The following PRRC2B variants were observed in gnomAD, a reference collection of about 807,000 sequenced individuals.
PRRC2B encodes the protein protein PRRC2B.
A neutral mutation model predicts 242.3 loss-of-function variants in PRRC2B; 68 were observed. That is an observed-to-expected ratio of 0.28 (90% CI 0.23 to 0.34). PRRC2B has a LOEUF of 0.34. Among genes scored for constraint, PRRC2B ranks in the 10% least tolerant of loss-of-function variants. The probability of loss-of-function intolerance (pLI) is 1.00; values close to 1 mark genes in which losing one functional copy is unlikely to be tolerated. For synonymous variants in PRRC2B, 1,228 were observed against 1,173.6 expected (o/e 1.05, Z -0.95); for missense variants, 2,835 against 2,954.8 (o/e 0.96, Z 0.94).
At chr9:131,483,299 CTG>C (rs1251897227) in intron 22 of PRRC2B, 58 bp from the exon 23 acceptor site, 66 of 1,485,580 alleles carry the variant, frequency 4.4e-5, no homozygotes, top group East Asian at 6.8e-5. Flanking sequence ...ATGTATGCCT[CTG>C]GGGAATGTAG....
chr9:131,468,603 G>A (rs1943458127), intron 13 of PRRC2B, among the ~76,000 whole-genome samples: 1 of 152,068 alleles, frequency 6.6e-6, no homozygotes, highest in African/African-American at 2.4e-5. Context: ...ATAAGTAAGG[G>A]AACACAGTAG....
intron 1 of PRRC2B, among the ~76,000 whole-genome samples, chr9:131,415,182 C>CG (rs913214319): frequency 2.0e-5 from 3 of 149,928 alleles, no homozygotes; most frequent in African/African-American, 4.9e-5. Context: ...TTAGTAGAGA[C>CG]GGGGGTTTTA....
intron 1 of PRRC2B, among the ~76,000 whole-genome samples, chr9:131,411,585 C>T (rs1159394308): frequency 2.0e-5 from 3 of 151,988 alleles, no homozygotes; most frequent in Non-Finnish European, 2.9e-5. Flanking sequence ...CCTCGTGATC[C>T]GCCCGCCTCG....
chr9:131,410,006 T>G lies in PRRC2B; in HGVS notation c.-52+15743T>G, dbSNP rs573059327. ...AAAGAAGCCCATGTATTTCATGTATTTCTTTTATTTGCCAGGTCCTTGTTA... is the reference window on the plus strand; with the variant it reads ...AAAGAAGCCCATGTATTTCATGTATGTCTTTTATTTGCCAGGTCCTTGTTA... On this transcript the variant is annotated intron_variant, in intron 1 of 31. Coordinates refer to ENST00000683519, the MANE Select transcript of PRRC2B (RefSeq NM_013318.4). 1.3e-4 allele frequency among the ~76,000 whole-genome samples: 20 copies of G among 152,330 alleles called. No individual in the cohort carries two copies. In the South Asian group the frequency reaches 4.1e-3, roughly 32 times the overall value.
chr9:131,457,355 T>TC (rs1217083298), intron 10 of PRRC2B, among the ~76,000 whole-genome samples: 1 of 152,182 alleles, frequency 6.6e-6, no homozygotes, highest in Admixed American at 6.5e-5. Flanking sequence ...GTGTTCCTTG[T>TC]CTCTTTGAGG....
chr9:131,404,216 CTTTTTTT>C (rs34149279), intron 1 of PRRC2B, among the ~76,000 whole-genome samples: 14 of 127,052 alleles, frequency 1.1e-4, no homozygotes, highest in African/African-American at 3.2e-4. Context: ...TCCCAGTTGA[CTTTTTTT>C]TTTTTTTTTT....
rs1459795228 is a variant in PRRC2B at position 131,499,262 on chromosome 9, C to T, written c.*3388C>T. 1 of 152,214 alleles carries T rather than the reference C, an allele frequency of 6.6e-6. No homozygotes were observed. The highest frequency in any genetic ancestry group is 1.5e-5 in the Non-Finnish European group (1 of 68,044). The allele number at this position is 152,214 out of a possible 1,614,324, so 9.4% of individuals were successfully genotyped here. ...AAGCTGAGCACACACAGGTGCACAGCCATGCTGTGGTCTGGCCTGCTACGG... is the reference window on the plus strand; with the variant it reads ...AAGCTGAGCACACACAGGTGCACAGTCATGCTGTGGTCTGGCCTGCTACGG... On this transcript the variant is annotated 3_prime_UTR_variant, in exon 32 of 32. Transcript: ENST00000683519.
At position 131,495,985 on chromosome 9, in the gene PRRC2B, C is replaced by A; in HGVS notation, c.*111C>A. ...CAGATCCACCGTCCAAATGCGTGGC[C>A]CAGACTGAGAGACCTCCCTCCTCTC... On this transcript the variant is annotated 3_prime_UTR_variant, in exon 32 of 32. Coordinates refer to ENST00000683519, the MANE Select transcript of PRRC2B (RefSeq NM_013318.4). 1 of 1,443,680 alleles carries A rather than the reference C, an allele frequency of 6.9e-7. No homozygotes were observed. The highest frequency in any genetic ancestry group is 9.3e-7 in the Non-Finnish European group (1 of 1,071,544). 89.4% of individuals were successfully genotyped at this position (1,443,680 alleles called of 1,614,324 possible). A position where few individuals can be genotyped will look rare whatever the true frequency, so the allele number is the denominator to read the frequency against.
In PRRC2B at chr9:131,494,513, A is replaced by T. The variant is rs1301952876; in HGVS notation, c.6555+27A>T. On this transcript the variant is annotated intron_variant, in intron 31 of 31. Transcript: ENST00000683519. This position sits in a 1 kb window ranked among gnomAD's most constrained non-coding sequence, Gnocchi z 4.3. Reference sequence around the variant, plus strand: ...TAGAAGATGGCTTTCCAGACCCTTCAGCCCTGGACACTTAGGCCCGTCTCC... The same window carrying T: ...TAGAAGATGGCTTTCCAGACCCTTCTGCCCTGGACACTTAGGCCCGTCTCC... The T allele has an allele frequency of 1.5e-6, 2 of 1,303,070 alleles. No homozygotes were observed. The highest frequency in any genetic ancestry group is 3.8e-5 in the Admixed American group (2 of 52,816). The allele number at this position is 1,303,070 out of a possible 1,614,324, so 80.7% of individuals were successfully genotyped here. A position where few individuals can be genotyped will look rare whatever the true frequency, so the allele number is the denominator to read the frequency against.
At chr9:131,430,041 C>CTTTTTTTTTTTTCTCT in intron 1 of PRRC2B, 53 bp from the exon 2 acceptor site, 1 of 459,712 alleles carries the variant, frequency 2.2e-6, no homozygotes, top group Non-Finnish European at 3.9e-6. Flanking sequence ...TAGTGACACT[C>CTTTTTTTTTTTTCTCT]TTTTTTTTTT....
chr9:131,432,736 A>G lies in PRRC2B; in HGVS notation c.235A>G (p.Ile79Val), dbSNP rs778158558. 1.2e-6 allele frequency: 2 copies of G among 1,614,096 alleles called. No individual in the cohort carries two copies. The highest frequency in any genetic ancestry group is 1.1e-5 in the South Asian group (1 of 91,090). Residue 79 changes from isoleucine to valine, a missense_variant, in exon 3 of 32, where the codon ATA becomes GTA. Transcript: ENST00000683519. The part of the protein sequence containing the change: ...ENKGNDPNIV[I>V]VPKDGTGWAN... ...CAAAGGAAACGACCCCAACATCGTGATAGTACCCAAGGACGGGACGGGATG... is the reference window on the plus strand; with the variant it reads ...CAAAGGAAACGACCCCAACATCGTGGTAGTACCCAAGGACGGGACGGGATG...
intron 1 of PRRC2B, among the ~76,000 whole-genome samples, chr9:131,402,949 G>A (rs1236924985): frequency 1.3e-5 from 2 of 152,152 alleles, no homozygotes; most frequent in Admixed American, 6.6e-5. Flanking sequence ...GGAAGCCGGC[G>A]TCAACTTCCC....
chr9:131,475,118 A>G lies in PRRC2B; in HGVS notation c.2989A>G (p.Asn997Asp). The change falls in exon 16 of 32, where the codon AAC becomes GAC. Residue 997 changes from asparagine (N) to aspartate (D), a missense_variant. By Grantham distance (23) the Asn-to-Asp change is conservative (BLOSUM62 1). This residue lies in a region of PRRC2B where 1,536 missense variants were observed against 1,483.1 expected (regional missense o/e 1.04). Transcript: ENST00000683519. ...CGAAGAGAACGATGCCTCTCTGGCC[A>G]ACTCCTCCACCACCACTTTGGAGGA... The part of the protein sequence containing the change: ...EDEENDASLA[N>D]SSTTTLEDKG... 6.2e-7 allele frequency: 1 copy of G among 1,612,236 alleles called. No individual in the cohort carries two copies. The highest frequency in any genetic ancestry group is 1.7e-5 in the Admixed American group (1 of 59,754).
At chr9:131,434,007 G>A (rs1213877301) in intron 3 of PRRC2B, among the ~76,000 whole-genome samples, 2 of 152,152 alleles carry the variant, frequency 1.3e-5, no homozygotes, top group Non-Finnish European at 2.9e-5. Context: ...TTTCCAGCTA[G>A]ACCACTTATT....
upstream of PRRC2B, among the ~76,000 whole-genome samples, chr9:131,391,172 C>T (rs1268613615): frequency 6.6e-6 from 1 of 151,982 alleles, no homozygotes; most frequent in Non-Finnish European, 1.5e-5. Flanking sequence ...CATTACCACA[C>T]ATTTAGTGGC....
At position 131,465,017 on chromosome 9, in the gene PRRC2B, G is replaced by A. The variant is rs772467100; in HGVS notation, c.1659G>A (p.Val553=). The A allele has an allele frequency of 6.2e-7, 1 of 1,613,974 alleles. No homozygotes were observed. Among genetic ancestry groups the A allele is most frequent in the Non-Finnish European group, 8.5e-7 (1 of 1,179,886 alleles). ...GEARKQAEKE[V]PWSPSAEKAS... is the part of the protein sequence containing the mutation. ...CCCGGAAGCAGGCAGAGAAGGAAGT[G>A]CCCTGGTCTCCAAGTGCTGAGAAGG... The change falls in exon 12 of 32, where the codon GTG becomes GTA. Residue 553 remains valine (V), a synonymous_variant. Coordinates refer to ENST00000683519, the MANE Select transcript of PRRC2B (RefSeq NM_013318.4).
chr9:131,475,174 C>T lies in PRRC2B; in HGVS notation c.3045C>T (p.Arg1015=), dbSNP rs372389833. 1.6e-5 allele frequency: 26 copies of T among 1,613,312 alleles called. No homozygotes were observed. In the African/African-American group the frequency reaches 2.1e-4, roughly 13 times the overall value. The change falls in exon 16 of 32, where the codon CGC becomes CGT. Residue 1015 remains arginine, a synonymous_variant. Coordinates refer to ENST00000683519, the MANE Select transcript of PRRC2B (RefSeq NM_013318.4). ...DKGPGHATFG[R]EATKFEEEEK... is the part of the protein sequence containing the mutation. ...GCCCTGGCCATGCCACTTTTGGCCG[C>T]GAGGCCACCAAATTTGAAGAGGAGG...
In PRRC2B at chr9:131,411,970, ATT is replaced by A. The variant is rs5900936; in HGVS notation, c.-52+17721_-52+17722del. Among the ~76,000 whole-genome samples the A allele has an allele frequency of 1.3e-3, 183 of 146,006 alleles. 1 individual carries two copies. The highest frequency in any genetic ancestry group is 1.9e-3 in the African/African-American group (74 of 39,804). ...ATGTGCCACCACACCCAGCTAATTA[ATT>A]TTTTTTTTTTTTTCTGTAGAGATGG... On this transcript the variant is annotated intron_variant, in intron 1 of 31. Coordinates refer to ENST00000683519, the MANE Select transcript of PRRC2B (RefSeq NM_013318.4).
In PRRC2B at chr9:131,419,829, C is replaced by T. The variant is rs755061161; in HGVS notation, c.-51-10265C>T. ...GTGTGGGGAGAAGGCTGGGTGGCGG[C>T]GTGGGGCCAGCATGTTGGGCCGGGG... On this transcript the variant is annotated intron_variant, in intron 1 of 31. Coordinates refer to ENST00000683519, the MANE Select transcript of PRRC2B (RefSeq NM_013318.4). 6.3e-5 allele frequency among the ~76,000 whole-genome samples: 9 copies of T among 142,556 alleles called. No individual in the cohort carries two copies. In the East Asian group the frequency reaches 1.6e-3, roughly 26 times the overall value. The allele number at this position is 142,556 out of a possible 152,430, so 93.5% of individuals were successfully genotyped here.
Sources: gnomAD v4.1 joint callset for allele counts (sites outside exome capture counted in the v4.1 genomes callset) on GRCh38, gnomAD v4.1.1 for gene constraint, gnomAD v4.1.1 regional missense constraint, Gnocchi (gnomAD v3.1) non-coding constraint, MANE v1.5 for transcripts, NCBI Gene and HGNC (gene_info 2026-07-23, HGNC 2026-07-21) for gene names.